The following ANO4 variants were observed in gnomAD, a reference collection of about 807,000 sequenced individuals.
ANO4 encodes the protein anoctamin-4.
ANO4 carries 69 observed loss-of-function variants against 141.9 expected under a neutral mutation model. That is an observed-to-expected ratio of 0.49 (90% CI 0.40 to 0.59). The LOEUF is 0.59. ANO4 is among the 20% of genes least tolerant of loss of function. The probability of loss-of-function intolerance (pLI) is 0.00; values close to 1 mark genes in which losing one functional copy is unlikely to be tolerated. For synonymous variants in ANO4, 350 were observed against 394.3 expected (o/e 0.89, Z 1.33); for missense variants, 894 against 1,162.2 (o/e 0.77, Z 3.36).
At position 100,806,528 on chromosome 12, in the gene ANO4, T is replaced by C. The variant is rs1483173757; in HGVS notation, c.-141+11501T>C. 4.8e-4 allele frequency among the ~76,000 whole-genome samples: 14 copies of C among 29,190 alleles called. 1 individual carries two copies. In the South Asian group the frequency reaches 0.012, roughly 24 times the overall value. 19.1% of individuals were successfully genotyped at this position (29,190 alleles called of 152,430 possible). A position where few individuals can be genotyped will look rare whatever the true frequency, so the allele number is the denominator to read the frequency against. On this transcript the variant is annotated intron_variant, in intron 1 of 27. Transcript: ENST00000392977. ...AGGAGGTTTTTTTTTTGTTTCGTTTTTTTTTTTTTTTTTTTTTTTTTTTTT... is the reference window on the plus strand; with the variant it reads ...AGGAGGTTTTTTTTTTGTTTCGTTTCTTTTTTTTTTTTTTTTTTTTTTTTT...
At position 101,037,058 on chromosome 12, in the gene ANO4, T is replaced by C. The variant is rs1354362123; in HGVS notation, c.842-37T>C. On this transcript the variant is annotated intron_variant, in intron 9 of 27. Coordinates refer to ENST00000392977, the MANE Select transcript of ANO4 (RefSeq NM_001286615.2). ...TTTTGAACATTGTGAGTATTCAAACTCTGTATTAATTCAAATGGACTTATT... is the reference window on the plus strand; with the variant it reads ...TTTTGAACATTGTGAGTATTCAAACCCTGTATTAATTCAAATGGACTTATT... 3 of 1,597,386 alleles carry C rather than the reference T, an allele frequency of 1.9e-6. No individual in the cohort carries two copies. The African/African-American group carries it at 4.0e-5, about 21-fold the overall frequency.
intron 3 of ANO4, among the ~76,000 whole-genome samples, chr12:100,749,746 T>C (rs2032285492): frequency 6.6e-6 from 1 of 152,244 alleles, no homozygotes; most frequent in African/African-American, 2.4e-5. Flanking sequence ...ATTTCAGCCA[T>C]AAAATCAGAT....
chr12:100,951,184 A>G (rs780542845), intron 5 of ANO4, among the ~76,000 whole-genome samples: 1 of 152,226 alleles, frequency 6.6e-6, no homozygotes, highest in Non-Finnish European at 1.5e-5. Context: ...AAGTCAAAAA[A>G]TAACAGATGT....
rs555986537 is a variant in ANO4 at position 101,127,700 on chromosome 12, C to T, written c.*5-161C>T. Among the ~76,000 whole-genome samples the T allele has an allele frequency of 3.3e-5, 5 of 152,310 alleles. No homozygotes were observed. In the South Asian group the frequency reaches 1.0e-3, roughly 32 times the overall value. Reference sequence around the variant, plus strand: ...TGCCCTTCTGACTCAGTCTGTTCACCCATAAAGCAAGCATAAAAATGTTTA... The same window carrying T: ...TGCCCTTCTGACTCAGTCTGTTCACTCATAAAGCAAGCATAAAAATGTTTA... On this transcript the variant is annotated intron_variant, in intron 27 of 27. Transcript: ENST00000392977.
intron 1 of ANO4, among the ~76,000 whole-genome samples, chr12:100,729,878 T>C (rs1264937496): frequency 1.3e-5 from 2 of 152,250 alleles, no homozygotes; most frequent in African/African-American, 2.4e-5. Flanking sequence ...TCAGGCTTGA[T>C]TCAAATTGCC....
intron 5 of ANO4, among the ~76,000 whole-genome samples, chr12:100,946,265 A>G (rs901098225): frequency 1.3e-5 from 2 of 152,224 alleles, no homozygotes; most frequent in Non-Finnish European, 2.9e-5. Flanking sequence ...TGACATAGGA[A>G]GCCACTGGAG....
At chr12:100,782,819 C>G (rs562473536) in intron 3 of ANO4, among the ~76,000 whole-genome samples, 2 of 152,292 alleles carry the variant, frequency 1.3e-5, no homozygotes, top group South Asian at 4.1e-4. Context: ...CTGAGGCTTT[C>G]TCTTTCCCAC....
At chr12:101,055,055 G>A (rs946405263) in intron 14 of ANO4, among the ~76,000 whole-genome samples, 5 of 152,172 alleles carry the variant, frequency 3.3e-5, no homozygotes, top group Non-Finnish European at 5.9e-5. Flanking sequence ...TAATTTGTTC[G>A]TCTACTTACC....
chr12:100,939,224 A>G (rs2042405529), intron 3 of ANO4, 91 bp from the exon 4 acceptor site: 8 of 1,312,608 alleles, frequency 6.1e-6, no homozygotes, highest in African/African-American at 1.5e-5. Context: ...ATGAGAAAAT[A>G]TGAACCCAAA....
rs567511196 is a variant in ANO4, at chr12:100,947,128, GAGAGAAATAGAATGATAACT to G, written c.456+4594_456+4613del. ...CAATATGTTTCACTGTAAAGGAATG[GAGAGAAATAGAATGATAACT>G]GGAGTATGAAGTTTGGTCAATAAAG... On this transcript the variant is annotated intron_variant, in intron 5 of 27. Coordinates refer to ENST00000392977, the MANE Select transcript of ANO4 (RefSeq NM_001286615.2). Among the ~76,000 whole-genome samples the G allele has an allele frequency of 1.5e-4, 23 of 152,308 alleles. No homozygotes were observed. The South Asian group carries it at 4.1e-3, about 27-fold the overall frequency.
At chr12:100,834,861 G>T (rs1000843219) in intron 1 of ANO4, among the ~76,000 whole-genome samples, 1 of 152,022 alleles carries the variant, frequency 6.6e-6, no homozygotes, top group Non-Finnish European at 1.5e-5. Flanking sequence ...TGAGGGAAGA[G>T]TGATCCAGGC....
chr12:100,876,431 G>T (rs532501105), intron 1 of ANO4, among the ~76,000 whole-genome samples: 1 of 152,304 alleles, frequency 6.6e-6, no homozygotes, highest in Admixed American at 6.5e-5. Context: ...GTTTCCCCCT[G>T]CAGGGAGCAG....
intron 1 of ANO4, among the ~76,000 whole-genome samples, chr12:100,828,424 C>T (rs539386403): frequency 2.0e-5 from 3 of 152,012 alleles, no homozygotes; most frequent in Non-Finnish European, 4.4e-5. Context: ...CATTTCTTCA[C>T]TTTGCTAAAA....
chr12:101,012,876 G>T (rs1230203716), intron 8 of ANO4, among the ~76,000 whole-genome samples: 1 of 152,116 alleles, frequency 6.6e-6, no homozygotes. Context: ...TTGATGGATT[G>T]GATGTTGGGC....
In ANO4 at chr12:101,086,741, G is replaced by T; in HGVS notation, c.1618G>T (p.Ala540Ser). The change falls in exon 17 of 28, where the codon GCG (alanine) becomes TCG (serine). Residue 540 changes from alanine (A) to serine (S), a missense_variant. Ala to Ser is a moderately conservative substitution (Grantham distance 99). This residue lies in a region of ANO4 where 637 missense variants were observed against 909.2 expected (regional missense o/e 0.70). Coordinates refer to ENST00000392977, the MANE Select transcript of ANO4 (RefSeq NM_001286615.2). The part of the protein sequence containing the change: ...TVSTFAAFKW[A>S]LIRNNSQVAT... ...CAGCACTTTCGCTGCCTTTAAGTGGGCGTTAATCAGGAATAACTCTCAGGT... is the reference window on the plus strand; with the variant it reads ...CAGCACTTTCGCTGCCTTTAAGTGGTCGTTAATCAGGAATAACTCTCAGGT... 6.2e-7 allele frequency: 1 copy of T among 1,613,852 alleles called. No individual in the cohort carries two copies.
intron 5 of ANO4, among the ~76,000 whole-genome samples, chr12:100,970,642 T>G (rs2043874784): frequency 7.6e-6 from 1 of 131,058 alleles, no homozygotes; most frequent in African/African-American, 2.8e-5. Flanking sequence ...CCTCCCTCCC[T>G]TCCTCCCTCC....
chr12:100,772,469 A>T (rs1010874892), intron 3 of ANO4, among the ~76,000 whole-genome samples: 2 of 152,108 alleles, frequency 1.3e-5, no homozygotes, highest in Non-Finnish European at 2.9e-5. Flanking sequence ...AACACAGACG[A>T]CATGTGATTC....
At chr12:100,732,458 C>T (rs1313336172) in intron 1 of ANO4, among the ~76,000 whole-genome samples, 1 of 152,090 alleles carries the variant, frequency 6.6e-6, no homozygotes, top group Non-Finnish European at 1.5e-5. Context: ...TCTTTGTATA[C>T]TTTATATAAC....
At chr12:100,976,202 G>T (rs1235727666) in intron 7 of ANO4, among the ~76,000 whole-genome samples, 1 of 152,182 alleles carries the variant, frequency 6.6e-6, no homozygotes, top group Non-Finnish European at 1.5e-5. Context: ...ATCCTAGTTA[G>T]TTCAACTCTA....
Sources: allele counts gnomAD v4.1 joint callset (sites outside exome capture counted in the v4.1 genomes callset), GRCh38; gene constraint gnomAD v4.1.1; regional missense constraint gnomAD v4.1.1; transcripts MANE v1.5; gene names NCBI Gene and HGNC (gene_info 2026-07-23, HGNC 2026-07-21).